The following NAP1L2 variants were observed in gnomAD, a reference collection of about 807,000 sequenced individuals.
The protein encoded by NAP1L2 is nucleosome assembly protein 1 like 2.
For missense variants in NAP1L2, 376 were observed against 338.5 expected (o/e 1.11, Z -0.87); for synonymous variants, 165 against 126.0 (o/e 1.31, Z -2.07).
At position 73,213,072 on chromosome X, in the gene NAP1L2, T is replaced by C; in HGVS notation, c.*38A>G. 3 of 1,121,619 alleles carry C rather than the reference T, an allele frequency of 2.7e-6. No individual in the cohort carries two copies. The highest frequency in any genetic ancestry group is 3.6e-6 in the Non-Finnish European group (3 of 838,314). 92.4% of individuals were successfully genotyped at this position (1,121,619 alleles called of 1,213,427 possible). A position where few individuals can be genotyped will look rare whatever the true frequency, so the allele number is the denominator to read the frequency against. On this transcript the variant is annotated 3_prime_UTR_variant, in exon 1 of 1. Coordinates refer to ENST00000373517, the MANE Select transcript of NAP1L2 (RefSeq NM_021963.4). ...GCTTCTTATACCTTGAGTAACTATATCTAGGGCAGTTAATTTCAGGGCCAT... is the reference window on the plus strand; with the variant it reads ...GCTTCTTATACCTTGAGTAACTATACCTAGGGCAGTTAATTTCAGGGCCAT...
At position 73,214,034 on chromosome X, in the gene NAP1L2, C is replaced by A. The variant is rs1355484257; in HGVS notation, c.459G>T (p.Gln153His). 8.3e-7 allele frequency: 1 copy of A among 1,211,231 alleles called. No homozygotes were observed. The highest frequency in any genetic ancestry group is 3.0e-5 in the East Asian group (1 of 33,831). Residue 153 changes from glutamine (Q) to histidine (H), a missense_variant, in exon 1 of 1, where the codon CAG becomes CAT. Coordinates refer to ENST00000373517, the MANE Select transcript of NAP1L2 (RefSeq NM_021963.4). ...MYQPLLEKRR[Q>H]IINAIYEPTE... is the part of the protein sequence containing the mutation. ...TAGGTTCATAGATTGCATTGATGAT[C>A]TGACGTCTTTTTTCCAGTAAGGGTT...
Position 73,213,173 on chromosome X carries a change from T to G in NAP1L2, c.1320A>C (p.Ala440=), listed in dbSNP as rs1308293171. The G allele has an allele frequency of 8.3e-7, 1 of 1,211,061 alleles. No homozygotes were observed. Among genetic ancestry groups the G allele is most frequent in the Admixed American group, 2.2e-5 (1 of 45,916 alleles). ...DKIIYDNWMA[A]IEEVKACCKN... is the part of the protein sequence containing the mutation. ...TGCAACAAGCTTTAACTTCCTCAAT[T>G]GCAGCCATCCAATTATCATAAATAA... Residue 440 remains alanine, a synonymous_variant, in exon 1 of 1, where the codon GCA becomes GCC. Transcript: ENST00000373517.
In NAP1L2 at chrX:73,213,751, A is replaced by G. The variant is rs757299885; in HGVS notation, c.742T>C (p.Leu248=). The G allele has an allele frequency of 2.0e-5, 24 of 1,209,279 alleles. No individual in the cohort carries two copies. The highest frequency in any genetic ancestry group is 2.7e-5 in the Non-Finnish European group (24 of 895,112). The stretch of plus-strand genomic sequence containing the variant: ...GGAGTGAGTGTATCAACGTTTTTTA[A>G]AACAGTTAGCCAAAAATCAGGAATT... ...KGIPDFWLTV[L]KNVDTLTPLI... Residue 248 remains leucine, a synonymous_variant, in exon 1 of 1, where the codon TTA becomes CTA. Coordinates refer to ENST00000373517, the MANE Select transcript of NAP1L2 (RefSeq NM_021963.4).
In NAP1L2 at chrX:73,214,466, C is replaced by T. The variant is rs34495238; in HGVS notation, c.27G>A (p.Glu9=). 4.0e-3 allele frequency: 4,819 copies of T among 1,207,924 alleles called. 136 individuals carry two copies. The African/African-American group carries it at 0.075, about 19-fold the overall frequency. Residue 9 remains glutamate (E), a synonymous_variant, in exon 1 of 1, where the codon GAG becomes GAA. Coordinates refer to ENST00000373517, the MANE Select transcript of NAP1L2 (RefSeq NM_021963.4). ...CCTCTTCTTGACTGGATTCTGACAG[C>T]TCCTTGCGGTTCTCTGACTCGGCCA... MAESENRK[E]LSESSQEEAG...
rs1401340732 is a variant in NAP1L2 at position 73,213,248 on chromosome X, A to T, written c.1245T>A (p.Ser415=). 3 of 1,211,784 alleles carry T rather than the reference A, an allele frequency of 2.5e-6. No individual in the cohort carries two copies. The African/African-American group carries it at 5.2e-5, about 21-fold the overall frequency. ...VLFFSGDALE[S]QQEGVVREVN... is the part of the protein sequence containing the mutation. ...CTTCTCTAACTACCCCCTCCTGCTG[A>T]GATTCCAGTGCATCACCTGAGAAAA... The change falls in exon 1 of 1, where the codon TCT becomes TCA. Residue 415 remains serine (S), a synonymous_variant. Coordinates refer to ENST00000373517, the MANE Select transcript of NAP1L2 (RefSeq NM_021963.4).
chrX:73,214,399 C>G lies in NAP1L2; in HGVS notation c.94G>C (p.Glu32Gln). Residue 32 changes from glutamate (E) to glutamine (Q), a missense_variant, in exon 1 of 1, where the codon GAG (glutamate) becomes CAG (glutamine). Glu to Gln is a conservative substitution (Grantham distance 29, BLOSUM62 2). Coordinates refer to ENST00000373517, the MANE Select transcript of NAP1L2 (RefSeq NM_021963.4). ...CCAGCAGCGGCATCTTCACCGCGCT[C>G]CAGATGTTCCCCGAGCCCTTCCACC... ...IMVEGLGEHL[E>Q]RGEDAAAGLG... 1.7e-6 allele frequency: 2 copies of G among 1,211,417 alleles called. No individual in the cohort carries two copies. Among genetic ancestry groups the G allele is most frequent in the South Asian group, 3.5e-5 (2 of 56,934 alleles).
At position 73,214,307 on chromosome X, in the gene NAP1L2, A is replaced by C; in HGVS notation, c.186T>G (p.Gly62=). 2 of 1,210,577 alleles carry C rather than the reference A, an allele frequency of 1.7e-6. No individual in the cohort carries two copies. The highest frequency in any genetic ancestry group is 2.2e-6 in the Non-Finnish European group (2 of 895,240). Residue 62 remains glycine (G), a synonymous_variant, in exon 1 of 1, where the codon GGT becomes GGG. Transcript: ENST00000373517. ...AAGLGEEGEN[G]EDTAAGSGED... ...CCCCGGACCCAGCAGCAGTATCTTC[A>C]CCGTTTTCCCCTTCTTCCCCAAGCC...
Position 73,214,570 on chromosome X carries a change from G to A in NAP1L2, c.-78C>T. 1 of 1,052,837 alleles carries A rather than the reference G, an allele frequency of 9.5e-7. No individual in the cohort carries two copies. Among genetic ancestry groups the A allele is most frequent in the Non-Finnish European group, 1.3e-6 (1 of 780,603 alleles). 86.8% of individuals were successfully genotyped at this position (1,052,837 alleles called of 1,213,427 possible). ...AAACCTCCACAGGAAAAGACTCACC[G>A]AAATATCAGAAGCGGCGGTGGTCGG... On this transcript the variant is annotated 5_prime_UTR_variant, in exon 1 of 1. Transcript: ENST00000373517.
rs759001680 is a variant in NAP1L2 at position 73,214,101 on chromosome X, C to T, written c.392G>A (p.Arg131Lys). The change falls in exon 1 of 1, where the codon AGG becomes AAG. Residue 131 changes from arginine to lysine, a missense_variant. Arg to Lys is a conservative substitution (Grantham distance 26). Transcript: ENST00000373517. ...CTTTCTTTCAATGTCATGAAATTCC[C>T]TCAGGAATTTGGATTCTAAATTGGC... is the stretch of plus-strand genomic sequence containing the variant. ...RAANLESKFL[R>K]EFHDIERKFA... 4 of 1,211,351 alleles carry T rather than the reference C, an allele frequency of 3.3e-6. No homozygotes were observed. The highest frequency in any genetic ancestry group is 3.4e-6 in the Non-Finnish European group (3 of 895,473).
rs1180066352 is a variant in NAP1L2 at position 73,214,646 on chromosome X, G to A, written c.-154C>T. Reference sequence around the variant, plus strand: ...GGAACGACGATCCAGGCTGCTCGGGGATAAAAGATGGTGCTGAGGCTTTGA... The same window carrying A: ...GGAACGACGATCCAGGCTGCTCGGGAATAAAAGATGGTGCTGAGGCTTTGA... On this transcript the variant is annotated 5_prime_UTR_variant, in exon 1 of 1. Coordinates refer to ENST00000373517, the MANE Select transcript of NAP1L2 (RefSeq NM_021963.4). 4 of 587,490 alleles carry A rather than the reference G, an allele frequency of 6.8e-6. No homozygotes were observed. The Admixed American group carries it at 1.6e-4, about 23-fold the overall frequency. The allele number at this position is 587,490 out of a possible 1,213,427, so 48.4% of individuals were successfully genotyped here. A position where few individuals can be genotyped will look rare whatever the true frequency, so the allele number is the denominator to read the frequency against.
Position 73,213,356 on chromosome X carries a change from G to T in NAP1L2, c.1137C>A (p.Ile379=). The T allele has an allele frequency of 8.3e-7, 1 of 1,211,673 alleles. No homozygotes were observed. The highest frequency in any genetic ancestry group is 1.7e-5 in the African/African-American group (1 of 57,845). The change falls in exon 1 of 1, where the codon ATC becomes ATA. Residue 379 remains isoleucine (I), a synonymous_variant. Coordinates refer to ENST00000373517, the MANE Select transcript of NAP1L2 (RefSeq NM_021963.4). The stretch of plus-strand genomic sequence containing the variant: ...CATTTCCATCCCTTCCATTTGAGGT[G>T]ATTCCATGAGGAGAGAAAAAATTGA... ...SFFNFFSPHG[I]TSNGRDGNDD...
In NAP1L2 at chrX:73,213,536, G is replaced by A. The variant is rs199984283; in HGVS notation, c.957C>T (p.Pro319=). 1.7e-6 allele frequency: 2 copies of A among 1,210,977 alleles called. No individual in the cohort carries two copies. The highest frequency in any genetic ancestry group is 1.7e-5 in the African/African-American group (1 of 57,818). The part of the protein sequence containing the change: ...KSKLAYYDPH[P]YRGTAIEYST... The stretch of plus-strand genomic sequence containing the variant: ...AATACTCAATCGCAGTTCCCCTATA[G>A]GGATGGGGATCATAATATGCTAGCT... The change falls in exon 1 of 1, where the codon CCC becomes CCT. Residue 319 remains proline (P), a synonymous_variant. Coordinates refer to ENST00000373517, the MANE Select transcript of NAP1L2 (RefSeq NM_021963.4).
rs777204825 is a variant in NAP1L2, at chrX:73,213,668, C to A, written c.825G>T (p.Lys275Asn). 9 of 1,209,588 alleles carry A rather than the reference C, an allele frequency of 7.4e-6. No individual in the cohort carries two copies. Among genetic ancestry groups the A allele is most frequent in the Non-Finnish European group, 1.0e-5 (9 of 895,115 alleles). ...TGAGGGGCTCGCCAGGATCTGAAAG[C>A]TTAACTTTAATATCTGTCAGGAGCT... ...ILKLLTDIKVKLSDPGEPLSF... is the reference protein window; with the variant it reads ...ILKLLTDIKVNLSDPGEPLSF... Residue 275 changes from lysine to asparagine, a missense_variant, in exon 1 of 1, where the codon AAG (lysine) becomes AAT (asparagine). By Grantham distance (94) the Lys-to-Asn change is moderately conservative. Transcript: ENST00000373517.
At position 73,213,386 on chromosome X, in the gene NAP1L2, T is replaced by C. The variant is rs766120764; in HGVS notation, c.1107A>G (p.Ser369=). 2.5e-6 allele frequency: 3 copies of C among 1,210,356 alleles called. No homozygotes were observed. The highest frequency in any genetic ancestry group is 3.0e-5 in the East Asian group (1 of 33,773). Residue 369 remains serine, a synonymous_variant, in exon 1 of 1, where the codon TCA becomes TCG. Transcript: ENST00000373517. ...RTVTEDFPKD[S]FFNFFSPHGI... is the part of the protein sequence containing the mutation. The stretch of plus-strand genomic sequence containing the variant: ...CATGAGGAGAGAAAAAATTGAAAAA[T>C]GAATCCTTGGGAAAATCTTCAGTTA...
Position 73,214,639 on chromosome X carries a change from G to T in NAP1L2, c.-147C>A. 2 of 618,271 alleles carry T rather than the reference G, an allele frequency of 3.2e-6. No homozygotes were observed. The highest frequency in any genetic ancestry group is 5.0e-6 in the Non-Finnish European group (2 of 401,904). 51.0% of individuals were successfully genotyped at this position (618,271 alleles called of 1,213,427 possible). ...GACTGAGGGAACGACGATCCAGGCT[G>T]CTCGGGGATAAAAGATGGTGCTGAG... On this transcript the variant is annotated 5_prime_UTR_variant, in exon 1 of 1. Transcript: ENST00000373517.
rs1311906634 is a variant in NAP1L2, at chrX:73,212,314, A to C, written c.*796T>G. The C allele has an allele frequency of 8.9e-6, 1 of 111,753 alleles. No individual in the cohort carries two copies. Among genetic ancestry groups the C allele is most frequent in the Non-Finnish European group, 1.9e-5 (1 of 53,120 alleles). 9.2% of individuals were successfully genotyped at this position (111,753 alleles called of 1,213,427 possible). A position where few individuals can be genotyped will look rare whatever the true frequency, so the allele number is the denominator to read the frequency against. On this transcript the variant is annotated 3_prime_UTR_variant, in exon 1 of 1. Coordinates refer to ENST00000373517, the MANE Select transcript of NAP1L2 (RefSeq NM_021963.4). ...ATACATTAAGTTTTAAACATGAGAC[A>C]CTCTGAAATTTTTATTCTTTTTATT...
rs1195235114 is a variant in NAP1L2 at position 73,213,977 on chromosome X, A to T, written c.516T>A (p.Ser172=). ...TEEECEYKSD[S]EDCDDEEMCH... ...ACATTTCCTCATCATCACAGTCCTC[A>T]GAGTCTGATTTATATTCACATTCCT... The change falls in exon 1 of 1, where the codon TCT becomes TCA. Residue 172 remains serine (S), a synonymous_variant. Coordinates refer to ENST00000373517, the MANE Select transcript of NAP1L2 (RefSeq NM_021963.4). 1 of 1,209,145 alleles carries T rather than the reference A, an allele frequency of 8.3e-7. No individual in the cohort carries two copies. Among genetic ancestry groups the T allele is most frequent in the Non-Finnish European group, 1.1e-6 (1 of 895,070 alleles).
In NAP1L2 at chrX:73,214,675, C is replaced by G; in HGVS notation, c.-183G>C. On this transcript the variant is annotated 5_prime_UTR_variant, in exon 1 of 1. Coordinates refer to ENST00000373517, the MANE Select transcript of NAP1L2 (RefSeq NM_021963.4). ...AAAGATGGTGCTGAGGCTTTGAGAA[C>G]CGGACTGAAGCAGTGGCGACCTGGG... 1 of 504,344 alleles carries G rather than the reference C, an allele frequency of 2.0e-6. No individual in the cohort carries two copies. The highest frequency in any genetic ancestry group is 3.2e-6 in the Non-Finnish European group (1 of 309,226). The allele number at this position is 504,344 out of a possible 1,213,427, so 41.6% of individuals were successfully genotyped here. A position where few individuals can be genotyped will look rare whatever the true frequency, so the allele number is the denominator to read the frequency against.
At position 73,214,081 on chromosome X, in the gene NAP1L2, T is replaced by C. The variant is rs1270989641; in HGVS notation, c.412A>G (p.Arg138Gly). Residue 138 changes from arginine to glycine, a missense_variant, in exon 1 of 1, where the codon AGA becomes GGA. Coordinates refer to ENST00000373517, the MANE Select transcript of NAP1L2 (RefSeq NM_021963.4). The stretch of plus-strand genomic sequence containing the variant: ...GGTTGGTACATTTCAGCAAACTTTC[T>C]TTCAATGTCATGAAATTCCCTCAGG... ...KFLREFHDIERKFAEMYQPLL... is the reference protein window; with the variant it reads ...KFLREFHDIEGKFAEMYQPLL... The C allele has an allele frequency of 2.5e-6, 3 of 1,209,417 alleles. No homozygotes were observed. Among genetic ancestry groups the C allele is most frequent in the Non-Finnish European group, 3.4e-6 (3 of 895,198 alleles).
Sources: gnomAD v4.1 joint callset for allele counts on GRCh38, gnomAD v4.1.1 for gene constraint, MANE v1.5 for transcripts, NCBI Gene and HGNC (gene_info 2026-07-23, HGNC 2026-07-21) for gene names.